The following LSAMP variants were observed in gnomAD, a reference collection of about 807,000 sequenced individuals.
The protein encoded by LSAMP is limbic system-associated membrane protein.
LSAMP carries 7 observed loss-of-function variants against 38.6 expected under a neutral mutation model. The ratio of observed to expected loss-of-function variants is 0.18; its 90% CI spans 0.10 to 0.34. LSAMP has a LOEUF of 0.34. Among genes scored for constraint, LSAMP ranks in the 10% least tolerant of loss-of-function variants. LSAMP has a pLI of 1.00. For missense variants in LSAMP, 313 were observed against 420.0 expected (o/e 0.75, Z 2.23); for synonymous variants, 154 against 166.8 (o/e 0.92, Z 0.59).
chr3:116,390,391 G>A (rs184021695), intron 1 of LSAMP, among the ~76,000 whole-genome samples: 5 of 152,194 alleles, frequency 3.3e-5, no homozygotes, highest in Admixed American at 1.3e-4. Context: ...AAGCTTGAGC[G>A]GGATCTGCAA....
At chr3:116,089,430 T>C (rs1398481626) in intron 1 of LSAMP, among the ~76,000 whole-genome samples, 4 of 152,338 alleles carry the variant, frequency 2.6e-5, no homozygotes, top group Admixed American at 6.5e-5. Flanking sequence ...CAATCTCAGC[T>C]CACTGCAAGC....
At chr3:115,845,186 C>T (rs913396643) in intron 4 of LSAMP, among the ~76,000 whole-genome samples, 4 of 152,088 alleles carry the variant, frequency 2.6e-5, no homozygotes, top group Non-Finnish European at 5.9e-5. Flanking sequence ...GTAAGACGAC[C>T]AGCAGTAGAA....
At chr3:116,179,811 C>T (rs1710441764) in intron 1 of LSAMP, among the ~76,000 whole-genome samples, 1 of 152,142 alleles carries the variant, frequency 6.6e-6, no homozygotes, top group South Asian at 2.1e-4. Flanking sequence ...AAAATCCAAA[C>T]CATATCAGTG....
intron 1 of LSAMP, among the ~76,000 whole-genome samples, chr3:116,391,810 C>T (rs1215213337): frequency 3.3e-5 from 5 of 152,160 alleles, no homozygotes; most frequent in Non-Finnish European, 4.4e-5. Flanking sequence ...GGCCACTGCA[C>T]TCACCCCCAA....
At chr3:116,000,631 A>T (rs1307117370) in intron 3 of LSAMP, among the ~76,000 whole-genome samples, 1 of 152,154 alleles carries the variant, frequency 6.6e-6, no homozygotes, top group Non-Finnish European at 1.5e-5. Context: ...TGTTCTATGA[A>T]TTATAACACA....
chr3:116,414,713 A>G (rs1252130939), intron 1 of LSAMP, among the ~76,000 whole-genome samples: 2 of 152,156 alleles, frequency 1.3e-5, no homozygotes, highest in Non-Finnish European at 2.9e-5. Context: ...GTCTCATGGA[A>G]TATCAGTGAG....
At chr3:115,857,575 A>G (rs759856305) in intron 3 of LSAMP, among the ~76,000 whole-genome samples, 1 of 152,172 alleles carries the variant, frequency 6.6e-6, no homozygotes, top group African/African-American at 2.4e-5. Flanking sequence ...AAACATCTCA[A>G]CCAATTTCCA....
chr3:116,161,434 T>C (rs1234211475), intron 1 of LSAMP, among the ~76,000 whole-genome samples: 1 of 152,200 alleles, frequency 6.6e-6, no homozygotes, highest in African/African-American at 2.4e-5. Context: ...GTTAACTCCA[T>C]TTATTTGTAC....
At chr3:116,015,312 A>G (rs1940447771) in intron 3 of LSAMP, among the ~76,000 whole-genome samples, 2 of 152,168 alleles carry the variant, frequency 1.3e-5, no homozygotes, top group African/African-American at 2.4e-5. Context: ...CTGACAACAC[A>G]TGATGCACAT....
rs1045830964 is a variant in LSAMP at position 116,350,693 on chromosome 3, C to T, written c.155+94184G>A. Among the ~76,000 whole-genome samples, 6 of 151,292 alleles carry T rather than the reference C, an allele frequency of 4.0e-5. No individual in the cohort carries two copies. In the South Asian group the frequency reaches 6.3e-4, roughly 16 times the overall value. ...AGTGATGCTAGCAATTTGAACATGCCGAAGAGAAGCCATAAAGTGTTTCCT... is the reference window on the plus strand; with the variant it reads ...AGTGATGCTAGCAATTTGAACATGCTGAAGAGAAGCCATAAAGTGTTTCCT... On this transcript the variant is annotated intron_variant, in intron 1 of 6. Coordinates refer to ENST00000490035, the MANE Select transcript of LSAMP (RefSeq NM_002338.5).
chr3:116,068,440 G>GT (rs1707514665), intron 2 of LSAMP, among the ~76,000 whole-genome samples: 1 of 147,594 alleles, frequency 6.8e-6, no homozygotes, highest in East Asian at 1.9e-4. Context: ...TGGATATGTG[G>GT]TAAAAAAAAA....
At chr3:115,928,469 A>G (rs951484359) in intron 3 of LSAMP, among the ~76,000 whole-genome samples, 19 of 152,238 alleles carry the variant, frequency 1.2e-4, no homozygotes, top group African/African-American at 4.3e-4. Flanking sequence ...AAAGGCTTAC[A>G]CCGTATTTCC....
At position 116,113,420 on chromosome 3, in the gene LSAMP, A is replaced by ATTTTTTTTTT. The variant is rs374608044; in HGVS notation, c.156-26874_156-26865dup. On this transcript the variant is annotated intron_variant, in intron 1 of 6. Coordinates refer to ENST00000490035, the MANE Select transcript of LSAMP (RefSeq NM_002338.5). ...TTGCCCTATATATATATATATATAT[A>ATTTTTTTTTT]TTTTTTTTTTTTTTTTTTTTTTTGA... 1.8e-4 allele frequency among the ~76,000 whole-genome samples: 9 copies of ATTTTTTTTTT among 51,028 alleles called. 1 individual carries two copies. The highest frequency in any genetic ancestry group is 7.7e-4 in the African/African-American group (8 of 10,434). The allele number at this position is 51,028 out of a possible 152,430, so 33.5% of individuals were successfully genotyped here.
intron 1 of LSAMP, among the ~76,000 whole-genome samples, chr3:116,166,167 C>T (rs528760388): frequency 1.3e-5 from 2 of 152,288 alleles, no homozygotes; most frequent in African/African-American, 4.8e-5. Flanking sequence ...AGTAAATACT[C>T]AGAAAGAAAA....
chr3:116,045,541 T>TAAAAAAAAAAAAA, intron 2 of LSAMP, among the ~76,000 whole-genome samples: 1 of 76,022 alleles, frequency 1.3e-5, no homozygotes, highest in Non-Finnish European at 2.6e-5. Context: ...GTGGAGGTGG[T>TAAAAAAAAAAAAA]AAAAAAAAAA....
intron 1 of LSAMP, among the ~76,000 whole-genome samples, chr3:116,325,991 T>C (rs867837338): frequency 3.3e-5 from 5 of 152,282 alleles, no homozygotes; most frequent in African/African-American, 9.6e-5. Flanking sequence ...CCATTTTCAA[T>C]TGATGATCAA....
At chr3:116,338,904 A>G (rs1007153848) in intron 1 of LSAMP, among the ~76,000 whole-genome samples, 2 of 152,082 alleles carry the variant, frequency 1.3e-5, no homozygotes, top group African/African-American at 4.8e-5. Flanking sequence ...CTACCAGCCC[A>G]ACCATTCACA....
chr3:116,438,295 T>C (rs970513447), intron 1 of LSAMP, among the ~76,000 whole-genome samples: 2 of 152,168 alleles, frequency 1.3e-5, no homozygotes, highest in African/African-American at 4.8e-5. Flanking sequence ...GAGTTTATAG[T>C]TTATACCATT....
intron 3 of LSAMP, among the ~76,000 whole-genome samples, chr3:115,961,905 G>A (rs986153989): frequency 7.9e-5 from 12 of 152,046 alleles, no homozygotes; most frequent in Non-Finnish European, 1.5e-4. Context: ...ACTTCTATCC[G>A]GCAGAGAAAA....
Sources: allele counts gnomAD v4.1 joint callset (sites outside exome capture counted in the v4.1 genomes callset), GRCh38; gene constraint gnomAD v4.1.1; transcripts MANE v1.5; gene names NCBI Gene and HGNC (gene_info 2026-07-23, HGNC 2026-07-21).